Variants in MEF2A observed in about 807,000 individuals in gnomAD.
MEF2A encodes the protein myocyte enhancer factor 2A.
In MEF2A, 28 loss-of-function variants were observed where a neutral mutation model predicts 55.8. That is an observed-to-expected ratio of 0.50 (90% CI 0.37 to 0.69). The LOEUF is 0.69. Ranked by LOEUF, MEF2A falls within the 30% of genes least tolerant of loss-of-function variation. MEF2A has a pLI of 0.00. For missense variants in MEF2A, 528 were observed against 626.2 expected (o/e 0.84, Z 1.67); for synonymous variants, 239 against 227.1 (o/e 1.05, Z -0.47).
At position 99,713,580 on chromosome 15, in the gene MEF2A, A is replaced by AT. The variant is rs2058873154; in HGVS notation, c.*813dup. Reference sequence around the variant, plus strand: ...AAGAAACTGATTTTAGCTCATGTATATTTTATATGAAAGAAAACACCCTTA... The same window carrying AT: ...AAGAAACTGATTTTAGCTCATGTATATTTTTATATGAAAGAAAACACCCTTA... On this transcript the variant is annotated 3_prime_UTR_variant, in exon 12 of 12. Coordinates refer to ENST00000557942, the MANE Select transcript of MEF2A (RefSeq NM_001319206.4). The AT allele has an allele frequency of 6.6e-6, 1 of 152,210 alleles. No individual in the cohort carries two copies. Among genetic ancestry groups the AT allele is most frequent in the African/African-American group, 2.4e-5 (1 of 41,466 alleles). 9.4% of individuals were successfully genotyped at this position (152,210 alleles called of 1,614,324 possible).
chr15:99,594,920 A>G (rs1455702653), intron 1 of MEF2A, among the ~76,000 whole-genome samples: 1 of 152,246 alleles, frequency 6.6e-6, no homozygotes, highest in East Asian at 1.9e-4. Flanking sequence ...GTATTGATGT[A>G]CAACGTATAT....
chr15:99,578,450 G>C (rs1964972521), intron 1 of MEF2A, among the ~76,000 whole-genome samples: 1 of 152,172 alleles, frequency 6.6e-6, no homozygotes, highest in African/African-American at 2.4e-5. Context: ...GTACTGAAAA[G>C]TTTCTGAGAA....
chr15:99,693,042 A>G (rs574490308), intron 8 of MEF2A, among the ~76,000 whole-genome samples: 7 of 152,276 alleles, frequency 4.6e-5, no homozygotes, highest in African/African-American at 1.4e-4. Flanking sequence ...AAAACCTGGC[A>G]TGCAGATCCC....
intron 7 of MEF2A, among the ~76,000 whole-genome samples, chr15:99,683,769 T>G (rs1357649484): frequency 4.6e-5 from 7 of 152,016 alleles, no homozygotes; most frequent in Non-Finnish European, 1.0e-4. Context: ...TGGTGTTTTG[T>G]TGCATGGAAA....
At chr15:99,635,488 T>A (rs1292765850) in intron 3 of MEF2A, among the ~76,000 whole-genome samples, 1 of 152,100 alleles carries the variant, frequency 6.6e-6, no homozygotes, top group Non-Finnish European at 1.5e-5. Context: ...TTAAGAAAAA[T>A]TCAGAAATCC....
chr15:99,567,554 C>T (rs933643122), intron 1 of MEF2A, among the ~76,000 whole-genome samples: 2 of 151,650 alleles, frequency 1.3e-5, no homozygotes, highest in African/African-American at 2.4e-5. Context: ...ACAAAAATGA[C>T]ATTTCTTTTA....
intron 3 of MEF2A, among the ~76,000 whole-genome samples, chr15:99,633,559 T>C (rs901884597): frequency 6.6e-6 from 1 of 152,222 alleles, no homozygotes; most frequent in African/African-American, 2.4e-5. Flanking sequence ...CTAAGTTAAC[T>C]ATAATTATCA....
intron 1 of MEF2A, among the ~76,000 whole-genome samples, chr15:99,589,152 A>T (rs1968419236): frequency 6.6e-6 from 1 of 152,198 alleles, no homozygotes; most frequent in Non-Finnish European, 1.5e-5. Flanking sequence ...AAATCTTTAG[A>T]TGATTGAAGA....
chr15:99,625,258 T>C (rs1721805124), intron 2 of MEF2A, among the ~76,000 whole-genome samples: 1 of 152,178 alleles, frequency 6.6e-6, no homozygotes, highest in South Asian at 2.1e-4. Context: ...ATTGTTAATG[T>C]ATAGAATTGC....
At chr15:99,567,779 C>T (rs1960364498) in intron 1 of MEF2A, among the ~76,000 whole-genome samples, 1 of 152,038 alleles carries the variant, frequency 6.6e-6, no homozygotes, top group Non-Finnish European at 1.5e-5. Flanking sequence ...TATTAAATGT[C>T]ATAAACACAC....
intron 2 of MEF2A, among the ~76,000 whole-genome samples, chr15:99,617,230 A>G (rs1436603691): frequency 6.6e-6 from 1 of 150,782 alleles, no homozygotes; most frequent in Admixed American, 6.7e-5. Context: ...ACTGTATGAG[A>G]AGTTTCATTT....
intron 3 of MEF2A, among the ~76,000 whole-genome samples, chr15:99,637,768 G>GTACT (rs1222704496): frequency 6.6e-6 from 1 of 152,058 alleles, no homozygotes; most frequent in East Asian, 1.9e-4. Flanking sequence ...TCAGCCTCCT[G>GTACT]AGTAGCTGGG....
intron 3 of MEF2A, among the ~76,000 whole-genome samples, chr15:99,644,139 A>G (rs990928078): frequency 6.6e-6 from 1 of 152,228 alleles, no homozygotes; most frequent in Non-Finnish European, 1.5e-5. Context: ...GCACTTGACA[A>G]ATACAGAGAA....
intron 2 of MEF2A, among the ~76,000 whole-genome samples, chr15:99,610,048 G>T (rs1313480923): frequency 6.6e-6 from 1 of 151,764 alleles, no homozygotes; most frequent in Non-Finnish European, 1.5e-5. Flanking sequence ...AGGACCCAGG[G>T]TATCATATTT....
Position 99,703,223 on chromosome 15 carries a change from A to G in MEF2A, c.859-139A>G, listed in dbSNP as rs1009105173. The G allele has an allele frequency of 1.3e-5, 9 of 673,332 alleles. No homozygotes were observed. In the Admixed American group the frequency reaches 1.4e-4, roughly 11 times the overall value. The allele number at this position is 673,332 out of a possible 1,614,324, so 41.7% of individuals were successfully genotyped here. On this transcript the variant is annotated intron_variant, in intron 8 of 11. Transcript: ENST00000557942. ...GTAGAGACAAGTAATTTATATTTCT[A>G]TCTGTTGTGTATATAATCGTCTCTT...
chr15:99,566,874 T>C (rs1959850209), intron 1 of MEF2A, among the ~76,000 whole-genome samples: 1 of 152,194 alleles, frequency 6.6e-6, no homozygotes. Context: ...ACAGAGGGGC[T>C]GCACAGGGAA....
At chr15:99,683,711 T>TAAAA (rs11299840) in intron 7 of MEF2A, among the ~76,000 whole-genome samples, 22 of 139,456 alleles carry the variant, frequency 1.6e-4, no homozygotes, top group African/African-American at 5.9e-4. Flanking sequence ...GGCCTTTTAT[T>TAAAA]AAAAAAAAAA....
chr15:99,622,919 C>G (rs1436830852), intron 2 of MEF2A, among the ~76,000 whole-genome samples: 1 of 151,854 alleles, frequency 6.6e-6, no homozygotes, highest in East Asian at 1.9e-4. Context: ...TTAGGATGGT[C>G]TCGATCTCCT....
chr15:99,653,705 T>A (rs988885355), intron 4 of MEF2A, among the ~76,000 whole-genome samples: 2 of 152,318 alleles, frequency 1.3e-5, no homozygotes, highest in Admixed American at 6.5e-5. Flanking sequence ...ATATTGTTTT[T>A]AAAATGTTAG....
Sources: allele counts gnomAD v4.1 joint callset (sites outside exome capture counted in the v4.1 genomes callset), GRCh38; gene constraint gnomAD v4.1.1; transcripts MANE v1.5; gene names NCBI Gene and HGNC (gene_info 2026-07-23, HGNC 2026-07-21).